MGAT1: variants seen among roughly 807,000 people sequenced by gnomAD.
The protein encoded by MGAT1 is alpha-1,3-mannosyl-glycoprotein 2-beta-N-acetylglucosaminyltransferase, also known as N-glycosyl-oligosaccharide-glycoprotein N-acetylglucosaminyltransferase I.
Under a neutral mutation model 31.7 loss-of-function variants are expected in MGAT1, and 14 were observed. The ratio of observed to expected loss-of-function variants is 0.44; its 90% confidence interval spans 0.29 to 0.69. MGAT1 has a LOEUF of 0.69. Among genes scored for constraint, MGAT1 ranks in the 30% least tolerant of loss-of-function variants. MGAT1 has a pLI of 0.12. For synonymous variants in MGAT1, 338 were observed against 276.0 expected (o/e 1.22, Z -2.23); for missense variants, 557 against 626.0 (o/e 0.89, Z 1.18).
chr5:180,812,802 CCTT>C (rs1772656605), intron 1 of MGAT1, among the ~76,000 whole-genome samples: 1 of 151,926 alleles, frequency 6.6e-6, no homozygotes, highest in Admixed American at 6.6e-5. Flanking sequence ...TTACTAATGC[CCTT>C]CTCTCCTTTT....
In MGAT1 at chr5:180,788,859, C is replaced by G. The variant is rs1767758901; in HGVS notation, c.*2775G>C. ...CACTAAGTTGGTACTTATCCTGGAG[C>G]ACTAAGTAAGTTGGTACTTATCCTG... On this transcript the variant is annotated 3_prime_UTR_variant, in exon 2 of 2. Transcript: ENST00000307826. The G allele has an allele frequency of 6.6e-6, 1 of 152,264 alleles. No homozygotes were observed. The highest frequency in any genetic ancestry group is 2.1e-4 in the South Asian group (1 of 4,816). 9.4% of individuals were successfully genotyped at this position (152,264 alleles called of 1,614,324 possible). A position where few individuals can be genotyped will look rare whatever the true frequency, so the allele number is the denominator to read the frequency against.
Position 180,814,868 on chromosome 5 carries a change from G to A in MGAT1, c.-546+546C>T, listed in dbSNP as rs1243897767. Among the ~76,000 whole-genome samples the A allele has an allele frequency of 9.9e-5, 15 of 151,876 alleles. 1 individual carries two copies. Among genetic ancestry groups the A allele is most frequent in the Admixed American group, 9.8e-4 (15 of 15,258 alleles). On this transcript the variant is annotated intron_variant, in intron 1 of 2. Transcript: ENST00000333055. ...GGCAGGAGAATCGCTTGAACCCGGG[G>A]GGGCGGTGGTTGCAGTGAGCTGAGA...
In MGAT1 at chr5:180,788,038, C is replaced by CA. The variant is rs1767695285; in HGVS notation, c.*3595dup. 6.4e-6 allele frequency: 1 copy of CA among 155,744 alleles called. No individual in the cohort carries two copies. The highest frequency in any genetic ancestry group is 1.4e-5 in the Non-Finnish European group (1 of 70,930). 9.6% of individuals were successfully genotyped at this position (155,744 alleles called of 1,614,324 possible). On this transcript the variant is annotated 3_prime_UTR_variant, in exon 2 of 2. Transcript: ENST00000307826. ...GGCAGAAGCAGGAATGCAGCAGCAG[C>CA]AGCAGCCAGGCGCAAGGCAGCTCTG...
rs17080615 is a variant in MGAT1, at chr5:180,791,624, C to T, written c.*10G>A. ...GTGGCAAGGAGGGGCCCAGGAAGGACAGGCAGGTGCTAATTCCAGCTAGGA... is the reference window on the plus strand; with the variant it reads ...GTGGCAAGGAGGGGCCCAGGAAGGATAGGCAGGTGCTAATTCCAGCTAGGA... On this transcript the variant is annotated 3_prime_UTR_variant, in exon 2 of 2. Transcript: ENST00000307826. 2 of 1,611,268 alleles carry T rather than the reference C, an allele frequency of 1.2e-6. No homozygotes were observed. Among genetic ancestry groups the T allele is most frequent in the South Asian group, 1.1e-5 (1 of 90,864 alleles).
At chr5:180,793,227 G>A in intron 1 of MGAT1, 130 bp from the exon 2 acceptor site, 1 of 554,552 alleles carries the variant, frequency 1.8e-6, no homozygotes, top group Non-Finnish European at 3.2e-6. Context: ...TGACTCCAGA[G>A]CTCTCTAGGG....
At chr5:180,806,010 G>A (rs1236823863), upstream of MGAT1, among the ~76,000 whole-genome samples, 7 of 152,092 alleles carry the variant, frequency 4.6e-5, no homozygotes, top group Non-Finnish European at 1.0e-4. Context: ...ACACACGGCC[G>A]GGCACCGTGG....
chr5:180,798,419 A>G (rs990065617), intron 1 of MGAT1, among the ~76,000 whole-genome samples: 1 of 152,142 alleles, frequency 6.6e-6, no homozygotes, highest in Admixed American at 6.5e-5. Context: ...GCCTGGGACC[A>G]TGTAAGGTCC....
chr5:180,806,241 G>A (rs922466781), upstream of MGAT1, among the ~76,000 whole-genome samples: 1 of 151,896 alleles, frequency 6.6e-6, no homozygotes, highest in Non-Finnish European at 1.5e-5. Context: ...AGCCGAGATC[G>A]CACCACTGCA....
At chr5:180,804,523 T>C (rs12054948), upstream of MGAT1, among the ~76,000 whole-genome samples, 19,299 of 152,240 alleles carry the variant, frequency 0.13, 1,275 homozygotes, top group East Asian at 0.24. Context: ...GCGCGCACTG[T>C]GGCAGGAGCC....
At chr5:180,811,747 C>T (rs948831158) in intron 1 of MGAT1, among the ~76,000 whole-genome samples, 5 of 152,196 alleles carry the variant, frequency 3.3e-5, no homozygotes, top group African/African-American at 4.8e-5. Flanking sequence ...AGCGGCTCCT[C>T]AGTTTACTTG....
chr5:180,785,386 A>G lies in MGAT1; in HGVS notation c.*6248T>C, dbSNP rs1313318336. 6.6e-6 allele frequency: 1 copy of G among 152,280 alleles called. No homozygotes were observed. The highest frequency in any genetic ancestry group is 1.9e-4 in the East Asian group (1 of 5,204). 9.4% of individuals were successfully genotyped at this position (152,280 alleles called of 1,614,324 possible). ...CCATTTGTGAGTCAGAAATTCAGGC[A>G]GCCCTCGGCTGGGCAGTAGTTGCTT... is the stretch of plus-strand genomic sequence containing the variant. On this transcript the variant is annotated 3_prime_UTR_variant, in exon 2 of 2. Transcript: ENST00000307826.
upstream of MGAT1, chr5:180,802,837 A>T (rs1377373359): frequency 6.6e-6 from 1 of 151,130 alleles, no homozygotes; most frequent in African/African-American, 2.4e-5. Context: ...CCGGGCGGGC[A>T]ACGTGGCCCT....
upstream of MGAT1, among the ~76,000 whole-genome samples, chr5:180,804,323 C>G (rs1056484942): frequency 2.6e-5 from 4 of 152,228 alleles, no homozygotes; most frequent in African/African-American, 9.6e-5. Flanking sequence ...CCCCCCAACA[C>G]CCCCGCACAC....
upstream of MGAT1, among the ~76,000 whole-genome samples, chr5:180,807,068 G>A (rs1483690017): frequency 2.0e-5 from 3 of 152,258 alleles, no homozygotes; most frequent in Non-Finnish European, 4.4e-5. Context: ...AGCCGCTGGA[G>A]GGAGTGAGGA....
chr5:180,794,955 TAAAC>T (rs1434885134), intron 1 of MGAT1, among the ~76,000 whole-genome samples: 5 of 152,066 alleles, frequency 3.3e-5, no homozygotes, highest in Non-Finnish European at 5.9e-5. Context: ...GAAATACAGA[TAAAC>T]AAATTGTGGT....
At chr5:180,794,226 T>TAA (rs397884031) in intron 1 of MGAT1, among the ~76,000 whole-genome samples, 9 of 96,916 alleles carry the variant, frequency 9.3e-5, no homozygotes, top group East Asian at 5.5e-4. Context: ...AAGTAACAAT[T>TAA]AAAAAAAAAA....
rs1040879293 is a variant in MGAT1 at position 180,785,601 on chromosome 5, G to C, written c.*6033C>G. On this transcript the variant is annotated 3_prime_UTR_variant, in exon 2 of 2. Coordinates refer to ENST00000307826, the MANE Select transcript of MGAT1 (RefSeq NM_002406.4). ...GCCCCAAGTGTGCCTGTTCTAGCAA[G>C]AACCAGGAAGAGGCTGTCTCCCTGC... The C allele has an allele frequency of 1.3e-5, 2 of 152,258 alleles. No individual in the cohort carries two copies. Among genetic ancestry groups the C allele is most frequent in the African/African-American group, 4.8e-5 (2 of 41,446 alleles). The allele number at this position is 152,258 out of a possible 1,614,324, so 9.4% of individuals were successfully genotyped here.
Position 180,790,168 on chromosome 5 carries a change from G to A in MGAT1, c.*1466C>T, listed in dbSNP as rs1005255974. 6.6e-6 allele frequency: 1 copy of A among 152,274 alleles called. No homozygotes were observed. The highest frequency in any genetic ancestry group is 2.4e-5 in the African/African-American group (1 of 41,392). The allele number at this position is 152,274 out of a possible 1,614,324, so 9.4% of individuals were successfully genotyped here. Reference sequence around the variant, plus strand: ...ATAAGCACTGCCTGGGCCAGCAGAGGGCACCGGGCACAAAGCACCACTCAG... The same window carrying A: ...ATAAGCACTGCCTGGGCCAGCAGAGAGCACCGGGCACAAAGCACCACTCAG... On this transcript the variant is annotated 3_prime_UTR_variant, in exon 2 of 2. Transcript: ENST00000307826.
chr5:180,797,826 A>C (rs1441100107), intron 1 of MGAT1, among the ~76,000 whole-genome samples: 2 of 152,224 alleles, frequency 1.3e-5, no homozygotes, highest in East Asian at 1.9e-4. Flanking sequence ...TGACACCCCT[A>C]GTTCCAGCCC....
Sources: allele counts gnomAD v4.1 joint callset (sites outside exome capture counted in the v4.1 genomes callset), GRCh38; gene constraint gnomAD v4.1.1; transcripts MANE v1.5; gene names NCBI Gene and HGNC (gene_info 2026-07-23, HGNC 2026-07-21).